The following BTAF1 variants were observed in gnomAD, a reference collection of about 807,000 sequenced individuals.
BTAF1 encodes the protein TATA-binding protein-associated factor 172.
A neutral mutation model predicts 227.1 loss-of-function variants in BTAF1; 38 were observed. The observed-to-expected ratio is 0.17, with a 90% CI of 0.13 to 0.22. The LOEUF (loss-of-function observed/expected upper bound fraction) is 0.22. Ranked by LOEUF, BTAF1 falls within the 10% of genes least tolerant of loss-of-function variation. BTAF1 has a pLI of 1.00. For synonymous variants in BTAF1, 742 were observed against 751.9 expected, an observed-to-expected ratio of 0.99 and a Z score of 0.21; for missense variants, 1,598 against 2,204.0, an observed-to-expected ratio of 0.73 and a Z score of 5.51.
intron 33 of BTAF1, among the ~76,000 whole-genome samples, chr10:92,017,702 G>A (rs967243284): frequency 5.9e-5 from 9 of 152,004 alleles, no homozygotes; most frequent in African/African-American, 2.2e-4. Flanking sequence ...TTAGTGATAA[G>A]GTCTCACCAT....
At chr10:92,005,379 G>A (rs773942632) in intron 25 of BTAF1, among the ~76,000 whole-genome samples, 28 of 152,262 alleles carry the variant, frequency 1.8e-4, no homozygotes, top group Non-Finnish European at 2.9e-4. Flanking sequence ...TTTAGGGATT[G>A]CATCACATCT....
intron 14 of BTAF1, among the ~76,000 whole-genome samples, chr10:91,974,844 A>G (rs1222656282): frequency 6.6e-6 from 1 of 152,132 alleles, no homozygotes; most frequent in Non-Finnish European, 1.5e-5. Flanking sequence ...ACAGAGTGAA[A>G]CTCCGTCTCA....
chr10:91,955,285 A>G, intron 6 of BTAF1, among the ~76,000 whole-genome samples: 1 of 152,218 alleles, frequency 6.6e-6, no homozygotes, highest in East Asian at 1.9e-4. Context: ...TGAGTCATTC[A>G]CAAACATTTA....
chr10:91,996,682 A>G, intron 24 of BTAF1, 112 bp downstream of exon 24: 1 of 917,354 alleles, frequency 1.1e-6, no homozygotes, highest in Non-Finnish European at 1.6e-6. Flanking sequence ...GCCTTGTTCC[A>G]AAAAATACCT....
At chr10:91,976,161 A>G (rs528481089) in intron 14 of BTAF1, among the ~76,000 whole-genome samples, 23 of 152,250 alleles carry the variant, frequency 1.5e-4, no homozygotes, top group Admixed American at 1.4e-3. Context: ...GGTAATTACA[A>G]TTGCCGGTTT....
At chr10:92,013,877 T>G in intron 31 of BTAF1, 22 bp from the exon 32 acceptor site, 1 of 1,612,942 alleles carries the variant, frequency 6.2e-7, no homozygotes, top group Non-Finnish European at 8.5e-7. Context: ...TTTGAAGCCA[T>G]TTTCTCTTTA....
At chr10:91,996,043 T>C (rs929378056) in intron 23 of BTAF1, among the ~76,000 whole-genome samples, 9 of 152,228 alleles carry the variant, frequency 5.9e-5, no homozygotes, top group Non-Finnish European at 1.3e-4. Context: ...CCAGCTTCAG[T>C]AGGAGAATCT....
intron 8 of BTAF1, among the ~76,000 whole-genome samples, chr10:91,958,643 C>T (rs1374787750): frequency 1.3e-5 from 2 of 152,080 alleles, no homozygotes; most frequent in African/African-American, 2.4e-5. Context: ...GCGGAGGTTG[C>T]GGTGAGCCAA....
At chr10:91,996,315 A>T (rs959363423) in intron 23 of BTAF1, 54 bp from the exon 24 acceptor site, 1 of 1,506,620 alleles carries the variant, frequency 6.6e-7, no homozygotes, top group African/African-American at 1.4e-5. Context: ...TTATAGTTAC[A>T]TATTAAACAG....
chr10:91,923,902 C>T lies in BTAF1; in HGVS notation c.-175C>T. On this transcript the variant is annotated 5_prime_UTR_variant, in exon 1 of 38. Coordinates refer to ENST00000265990, the MANE Select transcript of BTAF1 (RefSeq NM_003972.3). Reference sequence around the variant, plus strand: ...GCTTACCGGCCGCCGCGGGGACGAGCTCGGGTAGGCGGCAGGGCAGATGCC... The same window carrying T: ...GCTTACCGGCCGCCGCGGGGACGAGTTCGGGTAGGCGGCAGGGCAGATGCC... The T allele has an allele frequency of 4.2e-6, 3 of 708,506 alleles. No individual in the cohort carries two copies. The East Asian group carries it at 1.0e-4, about 24-fold the overall frequency. 43.9% of individuals were successfully genotyped at this position (708,506 alleles called of 1,614,324 possible).
At chr10:91,941,686 C>T (rs566877348) in intron 3 of BTAF1, among the ~76,000 whole-genome samples, 189 of 152,188 alleles carry the variant, frequency 1.2e-3, no homozygotes, top group Middle Eastern at 0.01. Context: ...ATACATTCTG[C>T]GAATATTTTT....
intron 18 of BTAF1, among the ~76,000 whole-genome samples, chr10:91,983,186 G>A (rs1848183843): frequency 6.6e-6 from 1 of 152,156 alleles, no homozygotes. Context: ...AGAATTTTTG[G>A]TCACAGGAAG....
At chr10:92,023,835 TG>T (rs1370356522) in intron 34 of BTAF1, among the ~76,000 whole-genome samples, 1 of 152,190 alleles carries the variant, frequency 6.6e-6, no homozygotes, top group Non-Finnish European at 1.5e-5. Flanking sequence ...GATTTCGCCA[TG>T]TTGGCCCGGC....
intron 28 of BTAF1, among the ~76,000 whole-genome samples, chr10:92,010,320 T>G (rs1850210516): frequency 1.3e-5 from 2 of 152,244 alleles, no homozygotes; most frequent in Non-Finnish European, 2.9e-5. Flanking sequence ...TTCATTCATT[T>G]GTAAGTGATA....
At chr10:92,013,541 A>C in intron 30 of BTAF1, 126 bp from the exon 31 acceptor site, 1 of 1,225,780 alleles carries the variant, frequency 8.2e-7, no homozygotes, top group Non-Finnish European at 1.2e-6. Context: ...CTTACACCAT[A>C]TGTCTAAAAA....
chr10:92,022,552 G>A (rs1292549978), intron 34 of BTAF1, among the ~76,000 whole-genome samples: 1 of 152,052 alleles, frequency 6.6e-6, no homozygotes, highest in Admixed American at 6.6e-5. Context: ...CAAGTAACTA[G>A]GACTACAGGT....
chr10:91,950,560 TG>T, intron 4 of BTAF1, among the ~76,000 whole-genome samples: 1 of 152,106 alleles, frequency 6.6e-6, no homozygotes, highest in South Asian at 2.1e-4. Context: ...AAATGCCCTT[TG>T]GTATGTTCTG....
intron 14 of BTAF1, among the ~76,000 whole-genome samples, chr10:91,968,573 T>A (rs1847083345): frequency 6.6e-6 from 1 of 152,226 alleles, no homozygotes; most frequent in Non-Finnish European, 1.5e-5. Context: ...GCGTATCTGC[T>A]GAATTGTATG....
chr10:91,989,620 T>A, intron 20 of BTAF1, 40 bp downstream of exon 20: 1 of 1,512,080 alleles, frequency 6.6e-7, no homozygotes, highest in Non-Finnish European at 8.9e-7. Flanking sequence ...AGAAATAACC[T>A]TTTAAATTTG....
Sources: allele counts gnomAD v4.1 joint callset (sites outside exome capture counted in the v4.1 genomes callset), GRCh38; gene constraint gnomAD v4.1.1; transcripts MANE v1.5; gene names NCBI Gene and HGNC (gene_info 2026-07-23, HGNC 2026-07-21).